CRIM1: variants seen among roughly 807,000 people sequenced by gnomAD.
CRIM1 encodes the protein cysteine rich transmembrane BMP regulator 1, also known as cysteine-rich motor neuron 1 protein.
Under a neutral mutation model 116.4 loss-of-function variants are expected in CRIM1, and 32 were observed. That is an observed-to-expected ratio of 0.27 (90% CI 0.21 to 0.37). CRIM1 has a LOEUF of 0.37. Ranked by LOEUF, CRIM1 falls within the 10% of genes least tolerant of loss-of-function variation. The pLI, the probability that CRIM1 is intolerant of heterozygous loss-of-function variation, is 1.00. For synonymous variants in CRIM1, 590 were observed against 509.2 expected, an observed-to-expected ratio of 1.16 and a Z score of -2.13; for missense variants, 1,331 against 1,354.8, an observed-to-expected ratio of 0.98 and a Z score of 0.28.
chr2:36,523,417 C>A lies in CRIM1; in HGVS notation c.2428+1104C>A, dbSNP rs145087876. Among the ~76,000 whole-genome samples, 7 of 152,254 alleles carry A rather than the reference C, an allele frequency of 4.6e-5. No individual in the cohort carries two copies. The East Asian group carries it at 1.4e-3, about 29-fold the overall frequency. On this transcript the variant is annotated intron_variant, in intron 13 of 16. Coordinates refer to ENST00000280527, the MANE Select transcript of CRIM1 (RefSeq NM_016441.3). ...TGATGCATCTTTGTGAGCAGAGGAT[C>A]TATGTATATTAGCACCTAACATCTG...
At chr2:36,363,199 CAAA>C (rs200110269) in intron 1 of CRIM1, among the ~76,000 whole-genome samples, 48 of 70,182 alleles carry the variant, frequency 6.8e-4, no homozygotes, top group African/African-American at 7.2e-4. Context: ...GACCCTGTCT[CAAA>C]AAAAAAAAAA....
intron 13 of CRIM1, among the ~76,000 whole-genome samples, chr2:36,524,535 T>C (rs1365865619): frequency 2.0e-5 from 3 of 152,196 alleles, no homozygotes; most frequent in African/African-American, 7.2e-5. Context: ...TATGTCATAC[T>C]TGGGAAACCA....
intron 4 of CRIM1, among the ~76,000 whole-genome samples, chr2:36,450,379 T>A (rs1309688536): frequency 6.6e-6 from 1 of 152,258 alleles, no homozygotes; most frequent in Non-Finnish European, 1.5e-5. Context: ...TTCTCTGTCT[T>A]CAGCTGCTCC....
intron 14 of CRIM1, among the ~76,000 whole-genome samples, chr2:36,542,556 A>G (rs574704805): frequency 1.8e-4 from 27 of 152,240 alleles, no homozygotes; most frequent in Non-Finnish European, 3.2e-4. Context: ...GGGCCTCTGC[A>G]GAAACTTTTA....
intron 2 of CRIM1, among the ~76,000 whole-genome samples, chr2:36,410,750 A>G (rs1285914976): frequency 6.6e-6 from 1 of 152,126 alleles, no homozygotes; most frequent in Non-Finnish European, 1.5e-5. Context: ...AAAAAAAAAA[A>G]GTCCAATCTG....
chr2:36,441,154 G>A lies in CRIM1; in HGVS notation c.506-104G>A, dbSNP rs143852431. 1,002 of 1,454,846 alleles carry A rather than the reference G, an allele frequency of 6.9e-4. 1 individual carries two copies. Among genetic ancestry groups the A allele is most frequent in the East Asian group, 4.6e-3 (199 of 43,594 alleles). 90.1% of individuals were successfully genotyped at this position (1,454,846 alleles called of 1,614,324 possible). A position where few individuals can be genotyped will look rare whatever the true frequency, so the allele number is the denominator to read the frequency against. On this transcript the variant is annotated intron_variant, in intron 2 of 16. Coordinates refer to ENST00000280527, the MANE Select transcript of CRIM1 (RefSeq NM_016441.3). ...TTTACACTGAATTTCTTTCCCTACCGTCCTCTTTGGCTACTTAAATAGATC... is the reference window on the plus strand; with the variant it reads ...TTTACACTGAATTTCTTTCCCTACCATCCTCTTTGGCTACTTAAATAGATC...
chr2:36,541,752 G>A (rs1666958264), intron 14 of CRIM1, among the ~76,000 whole-genome samples: 1 of 152,188 alleles, frequency 6.6e-6, no homozygotes, highest in African/African-American at 2.4e-5. Context: ...TGGTAGGGCT[G>A]GATGTAGCTT....
Position 36,356,184 on chromosome 2 carries a change from A to C in CRIM1, c.-109A>C. ...GGGGGCCCCGAGAGGGGCGGTGAGG[A>C]CCGCGGGCTGCTGGTGCGGCGGCGG... On this transcript the variant is annotated 5_prime_UTR_variant, in exon 1 of 17. Coordinates refer to ENST00000280527, the MANE Select transcript of CRIM1 (RefSeq NM_016441.3). The surrounding 1 kb of genome is among the most constrained non-coding windows in gnomAD (Gnocchi z 4.3). The C allele has an allele frequency of 2.8e-6, 1 of 354,938 alleles. No individual in the cohort carries two copies. The highest frequency in any genetic ancestry group is 1.2e-4 in the South Asian group (1 of 8,074). 22.0% of individuals were successfully genotyped at this position (354,938 alleles called of 1,614,324 possible).
rs71396495 is a variant in CRIM1, at chr2:36,550,041, ATGTGTGTGTGTGTGTG to A, written c.*1351_*1366del. ...GAAAGATGTGTGTGTGAGAGTATGT[ATGTGTGTGTGTGTGTG>A]TGTGTGTGTGCGCGCGCACGCACGC... is the stretch of plus-strand genomic sequence containing the variant. On this transcript the variant is annotated 3_prime_UTR_variant, in exon 17 of 17. Coordinates refer to ENST00000280527, the MANE Select transcript of CRIM1 (RefSeq NM_016441.3). 1.2e-4 allele frequency: 18 copies of A among 146,454 alleles called. 1 individual carries two copies. The South Asian group carries it at 3.7e-3, about 30-fold the overall frequency. 9.1% of individuals were successfully genotyped at this position (146,454 alleles called of 1,614,324 possible).
chr2:36,408,081 A>C (rs1314034466), intron 2 of CRIM1, among the ~76,000 whole-genome samples: 1 of 152,198 alleles, frequency 6.6e-6, no homozygotes, highest in Non-Finnish European at 1.5e-5. Flanking sequence ...AGGTTTTGCT[A>C]CATCTGGGCT....
chr2:36,432,124 A>G (rs764560593), intron 2 of CRIM1, among the ~76,000 whole-genome samples: 3 of 152,198 alleles, frequency 2.0e-5, no homozygotes, highest in Non-Finnish European at 4.4e-5. Flanking sequence ...AATTTACCTC[A>G]TTAGTCATTT....
At chr2:36,419,707 C>T (rs899384521) in intron 2 of CRIM1, among the ~76,000 whole-genome samples, 1 of 152,174 alleles carries the variant, frequency 6.6e-6, no homozygotes, top group Admixed American at 6.5e-5. Flanking sequence ...AGCTTCATTT[C>T]ATTTTCCCTG....
rs576111073 is a variant in CRIM1 at position 36,510,014 on chromosome 2, C to G, written c.1533C>G (p.Gly511=). The G allele has an allele frequency of 1.7e-5, 28 of 1,614,092 alleles. No homozygotes were observed. In the South Asian group the frequency reaches 2.9e-4, roughly 16 times the overall value. The change falls in exon 9 of 17, where the codon GGC becomes GGG. Residue 511 remains glycine, a synonymous_variant. Transcript: ENST00000280527. Reference sequence around the variant, plus strand: ...AACTATGTTCAGAACGTAAACAAGGCTGCACCTTGAACTGTCCCTTCGGTT... The same window carrying G: ...AACTATGTTCAGAACGTAAACAAGGGTGCACCTTGAACTGTCCCTTCGGTT... The part of the protein sequence containing the change: ...TEELCSERKQ[G]CTLNCPFGFL...
chr2:36,376,017 A>C (rs1313428296), intron 1 of CRIM1, among the ~76,000 whole-genome samples: 1 of 152,218 alleles, frequency 6.6e-6, no homozygotes, highest in African/African-American at 2.4e-5. Context: ...TTGTGTCTCC[A>C]GGATGAATAA....
intron 6 of CRIM1, among the ~76,000 whole-genome samples, chr2:36,478,111 G>A (rs1255749928): frequency 6.6e-6 from 1 of 152,086 alleles, no homozygotes; most frequent in Non-Finnish European, 1.5e-5. Context: ...TTCTCCTTTT[G>A]ATATTTGAGC....
chr2:36,453,349 T>C (rs1676881748), intron 4 of CRIM1, among the ~76,000 whole-genome samples: 1 of 152,220 alleles, frequency 6.6e-6, no homozygotes, highest in African/African-American at 2.4e-5. Flanking sequence ...AAGGAAGTTA[T>C]ATGTCATGGC....
At chr2:36,438,143 CAAAA>C (rs11409271) in intron 2 of CRIM1, among the ~76,000 whole-genome samples, 7 of 135,150 alleles carry the variant, frequency 5.2e-5, no homozygotes, top group Non-Finnish European at 9.7e-5. Flanking sequence ...AAAAAAAAAA[CAAAA>C]AAAAAGAGTG....
intron 13 of CRIM1, among the ~76,000 whole-genome samples, chr2:36,530,550 G>A (rs934226745): frequency 1.4e-4 from 21 of 152,078 alleles, no homozygotes; most frequent in Admixed American, 2.0e-4. Flanking sequence ...AAATGAAAGT[G>A]GTATTTTATT....
intron 1 of CRIM1, among the ~76,000 whole-genome samples, chr2:36,395,381 TA>T: frequency 6.6e-6 from 1 of 152,310 alleles, no homozygotes; most frequent in East Asian, 1.9e-4. Context: ...TCAGGTACTT[TA>T]AAAAATTCTC....
Sources: gnomAD v4.1 joint callset for allele counts (sites outside exome capture counted in the v4.1 genomes callset) on GRCh38, gnomAD v4.1.1 for gene constraint, Gnocchi (gnomAD v3.1) non-coding constraint, MANE v1.5 for transcripts, NCBI Gene and HGNC (gene_info 2026-07-23, HGNC 2026-07-21) for gene names.